RAVER1: variants seen among roughly 807,000 people sequenced by gnomAD.
The protein encoded by RAVER1 is ribonucleoprotein PTB-binding 1.
In RAVER1, 36 loss-of-function variants were observed where a neutral mutation model predicts 68.4. The observed-to-expected ratio is 0.53, with a 90% CI of 0.40 to 0.70. The LOEUF is 0.70. Among genes scored for constraint, RAVER1 ranks in the 30% least tolerant of loss-of-function variants. The probability of loss-of-function intolerance (pLI) is 0.00; values close to 1 mark genes in which losing one functional copy is unlikely to be tolerated. For missense variants in RAVER1, 933 were observed against 1,019.8 expected (o/e 0.91, Z 1.16); for synonymous variants, 469 against 472.7 (o/e 0.99, Z 0.10).
chr19:10,319,329 A>T, intron 9 of RAVER1, 89 bp from the exon 10 acceptor site: 1 of 1,319,702 alleles, frequency 7.6e-7, no homozygotes, highest in Non-Finnish European at 1.1e-6. Flanking sequence ...TCATCAGGGA[A>T]GACAGTCCCC....
intron 9 of RAVER1, among the ~76,000 whole-genome samples, chr19:10,320,253 C>T (rs2040425569): frequency 6.6e-6 from 1 of 151,882 alleles, no homozygotes; most frequent in African/African-American, 2.4e-5. Context: ...CCTGTAATCC[C>T]AGTACTTTGG....
Position 10,319,234 on chromosome 19 carries a change from C to T in RAVER1, c.1777G>A (p.Gly593Arg). 6.2e-7 allele frequency: 1 copy of T among 1,613,568 alleles called. No individual in the cohort carries two copies. Among genetic ancestry groups the T allele is most frequent in the South Asian group, 1.1e-5 (1 of 91,076 alleles). The change falls in exon 10 of 13, where the codon GGA becomes AGA. Residue 593 changes from glycine (G) to arginine (R), a missense_variant. This residue lies in a region of RAVER1 where 699 missense variants were observed against 731.1 expected (regional missense o/e 0.96). Coordinates refer to ENST00000617231, the MANE Select transcript of RAVER1 (RefSeq NM_133452.3). ...GGGTGGGAGAAGAGCCGCCGAGGTC[C>T]CATGTCCTGAATGAAAGCGGGAGAA... is the stretch of plus-strand genomic sequence containing the variant. ...SYSFDYPSDM[G>R]PRRLFSHPRE... is the part of the protein sequence containing the mutation.
chr19:10,326,998 G>A (rs896379551), intron 3 of RAVER1, among the ~76,000 whole-genome samples: 1 of 151,964 alleles, frequency 6.6e-6, no homozygotes, highest in Non-Finnish European at 1.5e-5. Context: ...TTGAACTCTT[G>A]ACCTCAAGTG....
At position 10,316,314 on chromosome 19, in the gene RAVER1, C is replaced by G; in HGVS notation, c.*1140G>C. Reference sequence around the variant, plus strand: ...TAGTCCCCTTGGAGTGGATGTGGACCCCCAGAGTCAAGGGAGGGAAGCTGG... The same window carrying G: ...TAGTCCCCTTGGAGTGGATGTGGACGCCCAGAGTCAAGGGAGGGAAGCTGG... On this transcript the variant is annotated 3_prime_UTR_variant, in exon 13 of 13. Transcript: ENST00000617231. 2.6e-6 allele frequency: 3 copies of G among 1,169,538 alleles called. No individual in the cohort carries two copies. The highest frequency in any genetic ancestry group is 2.2e-5 in the South Asian group (1 of 44,750). 72.4% of individuals were successfully genotyped at this position (1,169,538 alleles called of 1,614,324 possible).
Position 10,328,896 on chromosome 19 carries a change from G to C in RAVER1, c.502C>G (p.Arg168Gly), listed in dbSNP as rs377765545. Residue 168 changes from arginine to glycine, a missense_variant, in exon 3 of 13, where the codon CGC becomes GGC. Physicochemically the swap from Arg to Gly is moderately radical, Grantham distance 125. Coordinates refer to ENST00000617231, the MANE Select transcript of RAVER1 (RefSeq NM_133452.3). The surrounding 1 kb of genome is among the most constrained non-coding windows in gnomAD (Gnocchi z 4.4). ...CCATAGCCCTTGGATTGGCCAGTGC[G>C]CTCACTGTAGACCAGGAAGCAGCGC... ...LERCFLVYSE[R>G]TGQSKGYGFA... 1 of 1,613,248 alleles carries C rather than the reference G, an allele frequency of 6.2e-7. No homozygotes were observed.
intron 3 of RAVER1, among the ~76,000 whole-genome samples, chr19:10,326,424 G>A (rs1164842013): frequency 2.6e-5 from 4 of 152,206 alleles, no homozygotes. Flanking sequence ...GGGTTCCCGT[G>A]GCTCATGGAT....
At position 10,323,347 on chromosome 19, in the gene RAVER1, C is replaced by T. The variant is rs749940178; in HGVS notation, c.948+28G>A. The stretch of plus-strand genomic sequence containing the variant: ...ATCCCCATGGGGCTCCCATCCCCAC[C>T]CCGCCACCTCTGCCCGCACAGGCTC... On this transcript the variant is annotated intron_variant, in intron 4 of 12. Transcript: ENST00000617231. The surrounding 1 kb of genome is among the most constrained non-coding windows in gnomAD (Gnocchi z 6.2). 3 of 1,607,616 alleles carry T rather than the reference C, an allele frequency of 1.9e-6. No homozygotes were observed. The highest frequency in any genetic ancestry group is 1.3e-5 in the African/African-American group (1 of 74,862).
chr19:10,330,587 C>T lies in RAVER1; in HGVS notation c.220-61G>A, dbSNP rs2040507907. The T allele has an allele frequency of 6.5e-6, 5 of 774,198 alleles. No homozygotes were observed. The South Asian group carries it at 7.4e-5, about 12-fold the overall frequency. The allele number at this position is 774,198 out of a possible 1,614,324, so 48.0% of individuals were successfully genotyped here. On this transcript the variant is annotated intron_variant, in intron 1 of 12. Transcript: ENST00000617231. Reference sequence around the variant, plus strand: ...GGAGATGGAAGGGGGCAACCCAGTGCCGCTTCATAGCTGCCACCAGCTATG... The same window carrying T: ...GGAGATGGAAGGGGGCAACCCAGTGTCGCTTCATAGCTGCCACCAGCTATG...
At position 10,323,505 on chromosome 19, in the gene RAVER1, T is replaced by G; in HGVS notation, c.818A>C (p.Glu273Ala). The G allele has an allele frequency of 6.2e-7, 1 of 1,609,086 alleles. No individual in the cohort carries two copies. The highest frequency in any genetic ancestry group is 8.5e-7 in the Non-Finnish European group (1 of 1,179,662). Residue 273 changes from glutamate to alanine, a missense_variant, in exon 4 of 13, where the codon GAG becomes GCG. By Grantham distance (107) the Glu-to-Ala change is moderately radical. Coordinates refer to ENST00000617231, the MANE Select transcript of RAVER1 (RefSeq NM_133452.3). The surrounding 1 kb of genome is among the most constrained non-coding windows in gnomAD (Gnocchi z 6.2). Reference sequence around the variant, plus strand: ...CTGCTGCTGTGCCTCCTCCGCCATCTCAGCCGTCTCATACTCCAGCACCGC... The same window carrying G: ...CTGCTGCTGTGCCTCCTCCGCCATCGCAGCCGTCTCATACTCCAGCACCGC... ...GFAVLEYETA[E>A]MAEEAQQQAD...
rs1249679211 is a variant in RAVER1 at position 10,329,904 on chromosome 19, C to T, written c.286+556G>A. On this transcript the variant is annotated intron_variant, in intron 2 of 12. Coordinates refer to ENST00000617231, the MANE Select transcript of RAVER1 (RefSeq NM_133452.3). The surrounding 1 kb of genome is among the most constrained non-coding windows in gnomAD (Gnocchi z 4.6). Reference sequence around the variant, plus strand: ...TGTTTCTTGAGCATGGAACACTGAGCCCCACCTCCTCACCTGGTTAACCTG... The same window carrying T: ...TGTTTCTTGAGCATGGAACACTGAGTCCCACCTCCTCACCTGGTTAACCTG... 6.6e-6 allele frequency among the ~76,000 whole-genome samples: 1 copy of T among 151,986 alleles called. No individual in the cohort carries two copies. Among genetic ancestry groups the T allele is most frequent in the East Asian group, 1.9e-4 (1 of 5,174 alleles).
rs1417848159 is a variant in RAVER1, at chr19:10,333,355, G to A, written c.153C>T (p.Thr51=). The A allele has an allele frequency of 1.5e-5, 24 of 1,613,760 alleles. No individual in the cohort carries two copies. Among genetic ancestry groups the A allele is most frequent in the Non-Finnish European group, 2.0e-5 (24 of 1,179,804 alleles). ...TGCGGCGGTTACGGAACTGGCGCTC[G>A]GTGTGTTCCAGGCGTTTCCGGATCT... The part of the protein sequence containing the change: ...PEEIRKRLEH[T]ERQFRNRRKI... The change falls in exon 1 of 13, where the codon ACC becomes ACT. Residue 51 remains threonine (T), a synonymous_variant. Coordinates refer to ENST00000617231, the MANE Select transcript of RAVER1 (RefSeq NM_133452.3). This position sits in a 1 kb window ranked among gnomAD's most constrained non-coding sequence, Gnocchi z 4.2.
rs187779196 is a variant in RAVER1, at chr19:10,329,755, C to G, written c.287-644G>C. 1.7e-3 allele frequency among the ~76,000 whole-genome samples: 264 copies of G among 152,276 alleles called. 2 individuals are homozygous for G. The highest frequency in any genetic ancestry group is 6.1e-3 in the African/African-American group (252 of 41,572). ...TTTGTTCAAAACGATCACGCCACATCCATCTTGTGGCTTCTAGCTGCAGGG... is the reference window on the plus strand; with the variant it reads ...TTTGTTCAAAACGATCACGCCACATGCATCTTGTGGCTTCTAGCTGCAGGG... On this transcript the variant is annotated intron_variant, in intron 2 of 12. Coordinates refer to ENST00000617231, the MANE Select transcript of RAVER1 (RefSeq NM_133452.3). This position sits in a 1 kb window ranked among gnomAD's most constrained non-coding sequence, Gnocchi z 4.6.
At position 10,320,828 on chromosome 19, in the gene RAVER1, C is replaced by G; in HGVS notation, c.1597G>C (p.Gly533Arg). ...GKEARGWGGA[G>R]RSRRPAEGPP... ...CCCTCAGCTGGGCGGCGGCTTCTCC[C>G]GGCGCCTCCCCAGCCCCGGGCCTCC... Residue 533 changes from glycine (G) to arginine (R), a missense_variant, in exon 9 of 13, where the codon GGG becomes CGG. By Grantham distance (125) the Gly-to-Arg change is moderately radical (BLOSUM62 -2). Coordinates refer to ENST00000617231, the MANE Select transcript of RAVER1 (RefSeq NM_133452.3). The G allele has an allele frequency of 6.6e-7, 1 of 1,519,508 alleles. No homozygotes were observed. The highest frequency in any genetic ancestry group is 8.8e-7 in the Non-Finnish European group (1 of 1,140,880). The allele number at this position is 1,519,508 out of a possible 1,614,324, so 94.1% of individuals were successfully genotyped here.
In RAVER1 at chr19:10,321,228, C is replaced by T. The variant is rs1231345912; in HGVS notation, c.1293G>A (p.Arg431=). The T allele has an allele frequency of 2.7e-5, 34 of 1,270,510 alleles. No individual in the cohort carries two copies. The highest frequency in any genetic ancestry group is 3.1e-5 in the East Asian group (1 of 31,826). The allele number at this position is 1,270,510 out of a possible 1,614,324, so 78.7% of individuals were successfully genotyped here. A position where few individuals can be genotyped will look rare whatever the true frequency, so the allele number is the denominator to read the frequency against. Residue 431 remains arginine (R), a synonymous_variant, in exon 8 of 13, where the codon CGG becomes CGA. Coordinates refer to ENST00000617231, the MANE Select transcript of RAVER1 (RefSeq NM_133452.3). ...GGGLPPELPP[R]RGKPPPLLPS... The stretch of plus-strand genomic sequence containing the variant: ...GCAGCAGGGGTGGTGGCTTCCCTCG[C>T]CGGGGCGGCAGCTCCGGGGGCAGGC...
At chr19:10,325,309 C>T (rs915941138) in intron 3 of RAVER1, among the ~76,000 whole-genome samples, 1 of 152,190 alleles carries the variant, frequency 6.6e-6, no homozygotes, top group African/African-American at 2.4e-5. Context: ...ACCACAACCT[C>T]TGTCTCCCAG....
rs2040446195 is a variant in RAVER1 at position 10,322,635 on chromosome 19, C to T, written c.1173+10G>A. ...TGTAGAGCAGTGGGTGAGGGGGATG[C>T]GTGTGTTACCTTCTGGCCCTGGGTC... is the stretch of plus-strand genomic sequence containing the variant. On this transcript the variant is annotated intron_variant, in intron 6 of 12. Coordinates refer to ENST00000617231, the MANE Select transcript of RAVER1 (RefSeq NM_133452.3). This position sits in a 1 kb window ranked among gnomAD's most constrained non-coding sequence, Gnocchi z 4.3. 8 of 1,523,322 alleles carry T rather than the reference C, an allele frequency of 5.3e-6. No homozygotes were observed. Among genetic ancestry groups the T allele is most frequent in the African/African-American group, 2.9e-5 (2 of 69,874 alleles). The allele number at this position is 1,523,322 out of a possible 1,614,324, so 94.4% of individuals were successfully genotyped here.
At position 10,333,472 on chromosome 19, in the gene RAVER1, C is replaced by T. The variant is rs748016374; in HGVS notation, c.36G>A (p.Pro12=). Residue 12 remains proline, a synonymous_variant, in exon 1 of 13, where the codon CCG becomes CCA. Coordinates refer to ENST00000617231, the MANE Select transcript of RAVER1 (RefSeq NM_133452.3). This position sits in a 1 kb window ranked among gnomAD's most constrained non-coding sequence, Gnocchi z 4.2. The part of the protein sequence containing the change: ...AADVSVTHRP[P]LSPKSGAEVE... The stretch of plus-strand genomic sequence containing the variant: ...CTTCGGCCCCAGACTTAGGGCTCAG[C>T]GGGGGCCGGTGAGTAACGGACACGT... 4.3e-6 allele frequency: 7 copies of T among 1,610,122 alleles called. No homozygotes were observed. Among genetic ancestry groups the T allele is most frequent in the Non-Finnish European group, 5.9e-6 (7 of 1,179,236 alleles).
Position 10,323,561 on chromosome 19 carries a change from C to A in RAVER1, c.762G>T (p.Ala254=), listed in dbSNP as rs550383395. 5 of 1,580,192 alleles carry A rather than the reference C, an allele frequency of 3.2e-6. No homozygotes were observed. The highest frequency in any genetic ancestry group is 3.5e-5 in the Admixed American group (2 of 57,348). The change falls in exon 4 of 13, where the codon GCG becomes GCT. Residue 254 remains alanine, a synonymous_variant. Transcript: ENST00000617231. The surrounding 1 kb of genome is among the most constrained non-coding windows in gnomAD (Gnocchi z 6.2). The part of the protein sequence containing the change: ...AVHSPTFCQL[A]CGQDGQLKGF... ...CCTTCAGCTGCCCATCCTGGCCGCA[C>A]GCCAGCTGCCGGAGGAAGGCAGGCA...
At chr19:10,331,238 T>C (rs1284250977) in intron 1 of RAVER1, among the ~76,000 whole-genome samples, 2 of 150,554 alleles carry the variant, frequency 1.3e-5, no homozygotes, top group Non-Finnish European at 3.0e-5. Flanking sequence ...TATTCCCAGC[T>C]ACTCGGGAGG....
Sources: allele counts gnomAD v4.1 joint callset (sites outside exome capture counted in the v4.1 genomes callset), GRCh38; gene constraint gnomAD v4.1.1; regional missense constraint gnomAD v4.1.1; non-coding constraint Gnocchi (gnomAD v3.1); transcripts MANE v1.5; gene names NCBI Gene and HGNC (gene_info 2026-07-23, HGNC 2026-07-21).